DPP6: variants seen among roughly 807,000 people sequenced by gnomAD.
The protein encoded by DPP6 is dipeptidyl peptidase like 6, also known as A-type potassium channel modulatory protein DPP6.
DPP6 carries 69 observed loss-of-function variants against 122.6 expected under a neutral mutation model. The observed-to-expected ratio is 0.56, with a 90% CI of 0.46 to 0.69. The LOEUF (loss-of-function observed/expected upper bound fraction) is 0.69. Ranked by LOEUF, DPP6 falls within the 30% of genes least tolerant of loss-of-function variation. DPP6 has a pLI of 0.00. For synonymous variants in DPP6, 418 were observed against 433.1 expected, an observed-to-expected ratio of 0.97 and a Z score of 0.43; for missense variants, 928 against 1,116.9, an observed-to-expected ratio of 0.83 and a Z score of 2.41.
chr7:153,785,638 A>G, the DPP6 span, among the ~76,000 whole-genome samples: 49 of 152,134 alleles, frequency 3.2e-4, no homozygotes, highest in African/African-American at 8.4e-4. Context: ...GGAAATGGGT[A>G]CTATATATAT....
chr7:153,915,649 C>T (rs1019475913), intron 1 of DPP6, among the ~76,000 whole-genome samples: 3 of 152,244 alleles, frequency 2.0e-5, no homozygotes, highest in Non-Finnish European at 4.4e-5. Flanking sequence ...GTAGCAGTGG[C>T]CCCTACCACT....
the DPP6 span, among the ~76,000 whole-genome samples, chr7:153,877,241 C>T: frequency 1.3e-5 from 2 of 152,120 alleles, no homozygotes; most frequent in Non-Finnish European, 2.9e-5. Context: ...TGCAATCACA[C>T]TTACCTTAAG....
At chr7:154,750,970 G>T (rs1228702519) in intron 8 of DPP6, among the ~76,000 whole-genome samples, 1 of 152,194 alleles carries the variant, frequency 6.6e-6, no homozygotes, top group African/African-American at 2.4e-5. Flanking sequence ...AGATTTCAGA[G>T]CAAAACTATC....
At chr7:154,318,101 A>T (rs1275423980) in intron 1 of DPP6, among the ~76,000 whole-genome samples, 1 of 152,222 alleles carries the variant, frequency 6.6e-6, no homozygotes, top group African/African-American at 2.4e-5. Context: ...AGAATTCCTA[A>T]TTACACTGGA....
the DPP6 span, among the ~76,000 whole-genome samples, chr7:153,823,480 C>T: frequency 0.53 from 79,058 of 147,970 alleles, 21,401 homozygotes; most frequent in African/African-American, 0.58. Flanking sequence ...GGCCGCTGCC[C>T]TCTGCCTCAG....
intron 2 of DPP6, among the ~76,000 whole-genome samples, chr7:154,466,816 A>G (rs1563717015): frequency 6.6e-6 from 1 of 152,208 alleles, no homozygotes; most frequent in Non-Finnish European, 1.5e-5. Flanking sequence ...TCATATATAA[A>G]GCACATTCAT....
At chr7:154,332,349 A>C (rs112951889) in intron 1 of DPP6, among the ~76,000 whole-genome samples, 3,277 of 152,236 alleles carry the variant, frequency 0.022, 124 homozygotes, top group African/African-American at 0.075. Context: ...TGGGATTACA[A>C]GCGTGAGCCA....
chr7:154,521,861 T>C (rs1827007481), intron 3 of DPP6, among the ~76,000 whole-genome samples: 1 of 152,224 alleles, frequency 6.6e-6, no homozygotes, highest in Non-Finnish European at 1.5e-5. Context: ...TTCCAAGGTT[T>C]AGGGTTTCTA....
chr7:154,767,672 C>T (rs1795993679), intron 8 of DPP6, among the ~76,000 whole-genome samples: 1 of 152,162 alleles, frequency 6.6e-6, no homozygotes, highest in African/African-American at 2.4e-5. Flanking sequence ...TGTTGTGCCC[C>T]TAGCTTTGCA....
At chr7:153,871,350 G>T in the DPP6 span, among the ~76,000 whole-genome samples, 1 of 152,192 alleles carries the variant, frequency 6.6e-6, no homozygotes, top group African/African-American at 2.4e-5. Flanking sequence ...CTTGGCAATG[G>T]TGGGCGCCCC....
At chr7:154,819,415 CAATAAATA>C (rs768861391) in intron 16 of DPP6, among the ~76,000 whole-genome samples, 2 of 148,982 alleles carry the variant, frequency 1.3e-5, no homozygotes, top group African/African-American at 2.5e-5. Context: ...AACTCTGTCT[CAATAAATA>C]AATAAATTAA....
At chr7:153,912,109 CA>C (rs1211758800) in intron 1 of DPP6, among the ~76,000 whole-genome samples, 3 of 150,154 alleles carry the variant, frequency 2.0e-5, no homozygotes, top group Admixed American at 6.6e-5. Context: ...TAATTTCTGC[CA>C]AAAAAAAATA....
intron 1 of DPP6, among the ~76,000 whole-genome samples, chr7:154,189,338 C>T (rs1408271875): frequency 6.6e-6 from 1 of 152,182 alleles, no homozygotes. Flanking sequence ...ATCAGATTTC[C>T]TCCAATTTAA....
At chr7:153,895,274 C>T (rs1002131468) in intron 1 of DPP6, among the ~76,000 whole-genome samples, 1 of 152,198 alleles carries the variant, frequency 6.6e-6, no homozygotes, top group African/African-American at 2.4e-5. Context: ...AGGCTGCCCT[C>T]GACCAGCAGA....
chr7:154,015,681 G>T (rs1426307588), intron 1 of DPP6, among the ~76,000 whole-genome samples: 2 of 151,934 alleles, frequency 1.3e-5, no homozygotes, highest in Non-Finnish European at 2.9e-5. Context: ...AAGCCTCATC[G>T]ATCCCATCTC....
chr7:153,984,642 G>A (rs1796752918), intron 1 of DPP6, among the ~76,000 whole-genome samples: 1 of 152,000 alleles, frequency 6.6e-6, no homozygotes, highest in Admixed American at 6.6e-5. Context: ...ATTAGGAGAG[G>A]GAGATCCAGA....
At chr7:154,306,895 G>C (rs1258963621) in intron 1 of DPP6, among the ~76,000 whole-genome samples, 1 of 152,144 alleles carries the variant, frequency 6.6e-6, no homozygotes, top group African/African-American at 2.4e-5. Context: ...CAGAATATTT[G>C]CTCAATAAAG....
At chr7:154,813,965 C>T (rs1397400743) in intron 16 of DPP6, among the ~76,000 whole-genome samples, 1 of 148,814 alleles carries the variant, frequency 6.7e-6, no homozygotes, top group African/African-American at 2.5e-5. Flanking sequence ...ACTGCAACCT[C>T]CGCCTCCCAG....
At chr7:154,604,817 T>C (rs1444529871) in intron 5 of DPP6, among the ~76,000 whole-genome samples, 2 of 120,270 alleles carry the variant, frequency 1.7e-5, no homozygotes, top group Non-Finnish European at 3.8e-5. Context: ...ATATGGACAT[T>C]TGTAAACAAT....
Sources: allele counts gnomAD v4.1 joint callset (sites outside exome capture counted in the v4.1 genomes callset), GRCh38; gene constraint gnomAD v4.1.1; transcripts MANE v1.5; gene names NCBI Gene and HGNC (gene_info 2026-07-23, HGNC 2026-07-21).